The following ANKS1B variants were observed in gnomAD, a reference collection of about 807,000 sequenced individuals.
The protein encoded by ANKS1B is ankyrin repeat and sterile alpha motif domain containing 1B, also known as ankyrin repeat and sterile alpha motif domain-containing protein 1B.
In ANKS1B, 36 loss-of-function variants were observed where a neutral mutation model predicts 148.3. The observed-to-expected ratio is 0.24, with a 90% confidence interval of 0.19 to 0.32. The LOEUF is 0.32. Ranked by LOEUF, ANKS1B falls within the 10% of genes least tolerant of loss-of-function variation. ANKS1B has a pLI of 1.00. For missense variants in ANKS1B, 1,157 were observed against 1,542.6 expected, an observed-to-expected ratio of 0.75 and a Z score of 4.19; for synonymous variants, 542 against 560.8, an observed-to-expected ratio of 0.97 and a Z score of 0.47.
At chr12:99,327,378 A>AATTATATATTATAATTACATATTATATG (rs2086656968) in intron 12 of ANKS1B, among the ~76,000 whole-genome samples, 1 of 129,820 alleles carries the variant, frequency 7.7e-6, no homozygotes, top group African/African-American at 3.0e-5. Flanking sequence ...CATATTATAT[A>AATTATATATTATAATTACATATTATATG]TAATTATATA....
intron 14 of ANKS1B, among the ~76,000 whole-genome samples, chr12:99,200,758 T>C (rs1370619545): frequency 6.6e-6 from 1 of 152,192 alleles, no homozygotes; most frequent in Non-Finnish European, 1.5e-5. Flanking sequence ...ATGAAGATTC[T>C]AGGCAGTTCT....
intron 17 of ANKS1B, among the ~76,000 whole-genome samples, chr12:98,885,854 A>G (rs2099738640): frequency 6.6e-6 from 1 of 152,206 alleles, no homozygotes; most frequent in Non-Finnish European, 1.5e-5. Flanking sequence ...GCAATAAAAC[A>G]TAGCTCAAAG....
At chr12:99,140,901 C>A (rs945600575) in intron 15 of ANKS1B, among the ~76,000 whole-genome samples, 1 of 152,150 alleles carries the variant, frequency 6.6e-6, no homozygotes, top group Non-Finnish European at 1.5e-5. Context: ...ATATCTTCTA[C>A]ATCCTTACAG....
intron 12 of ANKS1B, among the ~76,000 whole-genome samples, chr12:99,389,746 A>G (rs190638128): frequency 2.7e-3 from 418 of 152,310 alleles, no homozygotes; most frequent in Non-Finnish European, 4.8e-3. Context: ...CACGTGCATT[A>G]ATAGAAGTTA....
intron 10 of ANKS1B, among the ~76,000 whole-genome samples, chr12:99,450,581 AC>A (rs2095715709): frequency 1.3e-5 from 2 of 152,200 alleles, no homozygotes; most frequent in South Asian, 2.1e-4. Context: ...ATAATTAAGT[AC>A]TAAATTATTT....
At chr12:98,934,239 A>G (rs1018485606) in intron 17 of ANKS1B, among the ~76,000 whole-genome samples, 3 of 152,224 alleles carry the variant, frequency 2.0e-5, no homozygotes, top group East Asian at 3.9e-4. Context: ...CAATATCATT[A>G]GTTGAAGAGA....
At chr12:98,972,530 C>T (rs2099884163) in intron 17 of ANKS1B, among the ~76,000 whole-genome samples, 1 of 152,188 alleles carries the variant, frequency 6.6e-6, no homozygotes, top group Non-Finnish European at 1.5e-5. Context: ...AAGTTGAGAT[C>T]ATTGCCCAGC....
intron 12 of ANKS1B, among the ~76,000 whole-genome samples, chr12:99,318,359 T>C (rs1210959508): frequency 6.6e-6 from 1 of 152,230 alleles, no homozygotes; most frequent in East Asian, 1.9e-4. Context: ...AATTGGTCTA[T>C]TCAGGGATTC....
intron 14 of ANKS1B, among the ~76,000 whole-genome samples, chr12:99,174,080 C>G (rs2078101561): frequency 6.6e-6 from 1 of 152,166 alleles, no homozygotes; most frequent in South Asian, 2.1e-4. Context: ...AGATCCTCTT[C>G]CTTGCTGGTT....
At chr12:99,628,009 A>G (rs1191159357) in intron 9 of ANKS1B, among the ~76,000 whole-genome samples, 1 of 152,158 alleles carries the variant, frequency 6.6e-6, no homozygotes, top group Non-Finnish European at 1.5e-5. Flanking sequence ...GAAATGTGGC[A>G]TTAGGTGATT....
chr12:99,809,051 G>A (rs1336503716), intron 3 of ANKS1B, among the ~76,000 whole-genome samples: 1 of 152,134 alleles, frequency 6.6e-6, no homozygotes, highest in Non-Finnish European at 1.5e-5. Flanking sequence ...TTGTGTATTT[G>A]TGTATGCTCA....
intron 9 of ANKS1B, among the ~76,000 whole-genome samples, chr12:99,587,943 C>A (rs2097660039): frequency 6.6e-6 from 1 of 152,098 alleles, no homozygotes; most frequent in Non-Finnish European, 1.5e-5. Context: ...AAAAGTGTTA[C>A]AGAAGACAAA....
At chr12:99,104,693 C>G (rs140576322) in intron 15 of ANKS1B, 3 of 152,192 alleles carry the variant, frequency 2.0e-5, no homozygotes, top group Non-Finnish European at 4.4e-5. Flanking sequence ...TCCTCTTACT[C>G]CTTGGCCTTT....
At chr12:99,195,473 G>A (rs2081278756) in intron 14 of ANKS1B, among the ~76,000 whole-genome samples, 1 of 151,866 alleles carries the variant, frequency 6.6e-6, no homozygotes, top group South Asian at 2.1e-4. Flanking sequence ...CTGTTATATT[G>A]CAATGAGAAA....
At chr12:99,690,691 G>A (rs2153502689) in intron 8 of ANKS1B, among the ~76,000 whole-genome samples, 1 of 152,338 alleles carries the variant, frequency 6.6e-6, no homozygotes, top group East Asian at 1.9e-4. Context: ...CTCCACCCCT[G>A]TGGCTCTGCA....
chr12:99,805,584 G>A (rs921764724), intron 4 of ANKS1B, among the ~76,000 whole-genome samples: 10 of 152,118 alleles, frequency 6.6e-5, no homozygotes, highest in African/African-American at 2.2e-4. Flanking sequence ...CTGAGATCAC[G>A]CCACCCACCA....
intron 14 of ANKS1B, among the ~76,000 whole-genome samples, chr12:99,196,543 T>C (rs946108258): frequency 8.5e-5 from 13 of 152,114 alleles, no homozygotes. Flanking sequence ...TTCAAAGACT[T>C]ATCTTACAGA....
intron 11 of ANKS1B, among the ~76,000 whole-genome samples, chr12:99,427,289 T>G (rs1179873914): frequency 6.6e-6 from 1 of 152,206 alleles, no homozygotes; most frequent in Admixed American, 6.5e-5. Flanking sequence ...GCTCTCTGTC[T>G]TCTCTGGTTT....
chr12:98,995,314 G>A (rs1211964433), intron 17 of ANKS1B, among the ~76,000 whole-genome samples: 1 of 152,134 alleles, frequency 6.6e-6, no homozygotes, highest in African/African-American at 2.4e-5. Context: ...AAGCTGGCCA[G>A]GCATGGTGGT....
Sources: gnomAD v4.1 joint callset for allele counts (sites outside exome capture counted in the v4.1 genomes callset) on GRCh38, gnomAD v4.1.1 for gene constraint, MANE v1.5 for transcripts, NCBI Gene and HGNC (gene_info 2026-07-23, HGNC 2026-07-21) for gene names.